Variants in SYT9 observed in about 807,000 individuals in gnomAD.
SYT9 encodes synaptotagmin-9.
Under a neutral mutation model 48.4 loss-of-function variants are expected in SYT9, and 22 were observed. The ratio of observed to expected loss-of-function variants is 0.45; its 90% confidence interval spans 0.32 to 0.65. The LOEUF (loss-of-function observed/expected upper bound fraction) is 0.65, where lower values mean the gene tolerates loss of function less well. SYT9 is among the 30% of genes least tolerant of loss of function. SYT9 has a pLI of 0.03. For missense variants in SYT9, 577 were observed against 622.0 expected (o/e 0.93, Z 0.77); for synonymous variants, 265 against 245.0 (o/e 1.08, Z -0.76).
intron 3 of SYT9, among the ~76,000 whole-genome samples, chr11:7,357,130 CA>C (rs1192175701): frequency 6.6e-6 from 1 of 152,060 alleles, no homozygotes; most frequent in African/African-American, 2.4e-5. Flanking sequence ...AGAAGTTGTT[CA>C]AAGAGAATTT....
intron 3 of SYT9, among the ~76,000 whole-genome samples, chr11:7,364,534 C>T (rs1264090475): frequency 6.6e-6 from 1 of 152,102 alleles, no homozygotes; most frequent in Admixed American, 6.5e-5. Context: ...GGGGTGTATG[C>T]CATGCAGATG....
chr11:7,461,482 C>T (rs1848234247), intron 6 of SYT9: 1 of 152,334 alleles, frequency 6.6e-6, no homozygotes. Context: ...AAGTGATTCT[C>T]CTGCCTCAGC....
intron 3 of SYT9, among the ~76,000 whole-genome samples, chr11:7,394,005 C>T (rs1443470566): frequency 1.3e-5 from 2 of 150,284 alleles, no homozygotes; most frequent in African/African-American, 4.9e-5. Flanking sequence ...TACATGTGCA[C>T]AACGTGCAGG....
At position 7,468,684 on chromosome 11, in the gene SYT9, C is replaced by G. The variant is rs1469249385; in HGVS notation, c.*1884C>G. On this transcript the variant is annotated 3_prime_UTR_variant, in exon 7 of 7. Coordinates refer to ENST00000318881, the MANE Select transcript of SYT9 (RefSeq NM_175733.4). ...TATCAGGCAGCAATCCCAATAAATTCTGACATGTCCTTGGCAATGGAAGCC... is the reference window on the plus strand; with the variant it reads ...TATCAGGCAGCAATCCCAATAAATTGTGACATGTCCTTGGCAATGGAAGCC... 1 of 174,704 alleles carries G rather than the reference C, an allele frequency of 5.7e-6. No homozygotes were observed. The highest frequency in any genetic ancestry group is 6.3e-5 in the Admixed American group (1 of 15,852). The allele number at this position is 174,704 out of a possible 1,614,324, so 10.8% of individuals were successfully genotyped here. A position where few individuals can be genotyped will look rare whatever the true frequency, so the allele number is the denominator to read the frequency against.
chr11:7,390,023 T>C (rs536386519), intron 3 of SYT9, among the ~76,000 whole-genome samples: 2 of 152,342 alleles, frequency 1.3e-5, no homozygotes, highest in South Asian at 4.1e-4. Context: ...CTAGGATACA[T>C]GTGCACAACG....
intron 3 of SYT9, among the ~76,000 whole-genome samples, chr11:7,366,909 T>G (rs1339215120): frequency 2.0e-5 from 3 of 151,900 alleles, no homozygotes; most frequent in African/African-American, 4.8e-5. Flanking sequence ...TGAATTAGCT[T>G]TAATATATTA....
chr11:7,275,080 C>T (rs747923344), intron 1 of SYT9, among the ~76,000 whole-genome samples: 3 of 151,860 alleles, frequency 2.0e-5, no homozygotes, highest in Non-Finnish European at 4.4e-5. Flanking sequence ...TCTTGCACAC[C>T]AAGACTGCAC....
chr11:7,455,685 T>C (rs1848138606), intron 6 of SYT9, among the ~76,000 whole-genome samples: 1 of 152,064 alleles, frequency 6.6e-6, no homozygotes, highest in African/African-American at 2.4e-5. Context: ...GAAAAACACA[T>C]CTGTAAATCA....
At chr11:7,400,292 CTCA>C (rs1846862729) in intron 3 of SYT9, among the ~76,000 whole-genome samples, 1 of 152,146 alleles carries the variant, frequency 6.6e-6, no homozygotes, top group African/African-American at 2.4e-5. Flanking sequence ...ACTATGTCCA[CTCA>C]TCATGATGAA....
intron 3 of SYT9, among the ~76,000 whole-genome samples, chr11:7,380,061 A>C (rs991815142): frequency 2.6e-5 from 4 of 152,144 alleles, no homozygotes; most frequent in African/African-American, 9.7e-5. Flanking sequence ...CGAGAGATGA[A>C]TGGATAAAGA....
intron 6 of SYT9, among the ~76,000 whole-genome samples, chr11:7,426,767 A>G (rs1005486823): frequency 3.3e-5 from 5 of 152,066 alleles, no homozygotes; most frequent in Non-Finnish European, 7.4e-5. Flanking sequence ...GGTGGAAACA[A>G]TATATATCTT....
At chr11:7,428,873 CAA>C (rs1847514764) in intron 6 of SYT9, among the ~76,000 whole-genome samples, 1 of 152,068 alleles carries the variant, frequency 6.6e-6, no homozygotes, top group African/African-American at 2.4e-5. Context: ...GCCTGGGATT[CAA>C]AGAGTCTTGG....
intron 6 of SYT9, among the ~76,000 whole-genome samples, chr11:7,434,646 A>C (rs1206117350): frequency 1.3e-5 from 2 of 152,162 alleles, no homozygotes; most frequent in Non-Finnish European, 2.9e-5. Flanking sequence ...CAGGGCAGCC[A>C]GCGGAGCAGT....
At chr11:7,311,100 C>T (rs1008528889) in intron 2 of SYT9, among the ~76,000 whole-genome samples, 1 of 152,076 alleles carries the variant, frequency 6.6e-6, no homozygotes, top group South Asian at 2.1e-4. Context: ...GTTGGGAGTT[C>T]GAGACCAGCC....
chr11:7,402,800 T>G (rs977784207), intron 3 of SYT9, among the ~76,000 whole-genome samples: 1 of 152,198 alleles, frequency 6.6e-6, no homozygotes, highest in African/African-American at 2.4e-5. Context: ...TTCTTTCAAC[T>G]GAAGTTATTA....
chr11:7,385,113 T>C (rs1260580883), intron 3 of SYT9, among the ~76,000 whole-genome samples: 1 of 152,114 alleles, frequency 6.6e-6, no homozygotes. Flanking sequence ...TGTATACTTC[T>C]GTATATGTGT....
At chr11:7,451,922 G>A (rs10839786) in intron 6 of SYT9, among the ~76,000 whole-genome samples, 48,289 of 151,992 alleles carry the variant, frequency 0.32, 10,539 homozygotes, top group African/African-American at 0.62. Context: ...CCTCATGACC[G>A]ACAACAACAA....
chr11:7,373,555 A>G (rs1850400774), intron 3 of SYT9, among the ~76,000 whole-genome samples: 1 of 152,088 alleles, frequency 6.6e-6, no homozygotes, highest in Non-Finnish European at 1.5e-5. Flanking sequence ...TGAGTTGTTC[A>G]GATTTGTATT....
chr11:7,461,704 G>C (rs61127106), intron 6 of SYT9, among the ~76,000 whole-genome samples: 1 of 151,980 alleles, frequency 6.6e-6, no homozygotes, highest in African/African-American at 2.4e-5. Context: ...CAGCACAAAT[G>C]CCCGGTGCTC....
Sources: gnomAD v4.1 joint callset for allele counts (sites outside exome capture counted in the v4.1 genomes callset) on GRCh38, gnomAD v4.1.1 for gene constraint, MANE v1.5 for transcripts, NCBI Gene and HGNC (gene_info 2026-07-23, HGNC 2026-07-21) for gene names.